Variants in HECTD4 observed in about 807,000 individuals in gnomAD.
The protein encoded by HECTD4 is probable E3 ubiquitin-protein ligase HECTD4.
In HECTD4, 114 loss-of-function variants were observed where a neutral mutation model predicts 471.5. That is an observed-to-expected ratio of 0.24 (90% CI 0.21 to 0.28). The LOEUF is 0.28. HECTD4 is among the 10% of genes least tolerant of loss of function. The pLI is 1.00. For synonymous variants in HECTD4, 2,012 were observed against 2,256.0 expected (o/e 0.89, Z 3.07); for missense variants, 3,866 against 5,651.5 (o/e 0.68, Z 10.13).
intron 43 of HECTD4, 73 bp from the exon 44 acceptor site, chr12:112,226,831 C>T: frequency 1.8e-6 from 2 of 1,111,980 alleles, no homozygotes; most frequent in Non-Finnish European, 2.6e-6. Context: ...CTGTGAAAAA[C>T]ATTTCAATCA....
chr12:112,333,978 G>A (rs1249569963), intron 1 of HECTD4, among the ~76,000 whole-genome samples: 2 of 152,108 alleles, frequency 1.3e-5, no homozygotes, highest in Admixed American at 1.3e-4. Flanking sequence ...GGACCCCAAG[G>A]TGGGTGGATC....
In HECTD4 at chr12:112,219,430, A is replaced by G. The variant is rs770724642; in HGVS notation, c.7030T>C (p.Cys2344Arg). 2.5e-6 allele frequency: 4 copies of G among 1,613,836 alleles called. No homozygotes were observed. The highest frequency in any genetic ancestry group is 1.1e-5 in the South Asian group (1 of 91,008). ...CERLRMLYRD[C>R]ARPPPPPLQA... ...AAAGGAGGTGGTGGGGGCCGAGCACAGTCCCGGTAGAGCATCCTCAGCCGT... is the reference window on the plus strand; with the variant it reads ...AAAGGAGGTGGTGGGGGCCGAGCACGGTCCCGGTAGAGCATCCTCAGCCGT... Residue 2344 changes from cysteine (C) to arginine (R), a missense_variant, in exon 45 of 76, where the codon TGT becomes CGT. Cys to Arg is a radical substitution (Grantham distance 180). Coordinates refer to ENST00000682272, the MANE Select transcript of HECTD4 (RefSeq NM_001388303.1).
At chr12:112,282,256 G>A (rs1448221788) in intron 8 of HECTD4, among the ~76,000 whole-genome samples, 3 of 152,072 alleles carry the variant, frequency 2.0e-5, no homozygotes, top group African/African-American at 7.2e-5. Context: ...GGTAGCGGGC[G>A]CCTGTAGTCC....
Position 112,183,179 on chromosome 12 carries a change from C to T in HECTD4, c.10867G>A (p.Asp3623Asn), listed in dbSNP as rs958590083. The change falls in exon 62 of 76, where the codon GAT becomes AAT. Residue 3623 changes from aspartate (D) to asparagine (N), a missense_variant. Physicochemically the swap from Asp to Asn is conservative, Grantham distance 23. Transcript: ENST00000682272. ...TCTGTTGACATTTCCATCAATTCAT[C>T]TTCACCATCCAAACTTGACAAACCA... is the stretch of plus-strand genomic sequence containing the variant. ...LIGLSSLDGE[D>N]ELMEMSTEEI... The T allele has an allele frequency of 2.0e-5, 33 of 1,613,848 alleles. No individual in the cohort carries two copies. Among genetic ancestry groups the T allele is most frequent in the Non-Finnish European group, 2.8e-5 (33 of 1,179,744 alleles).
chr12:112,187,397 G>A (rs893417225), intron 60 of HECTD4, among the ~76,000 whole-genome samples: 1 of 152,004 alleles, frequency 6.6e-6, no homozygotes, highest in African/African-American at 2.4e-5. Flanking sequence ...ATGAATGGAT[G>A]GATAGATGGA....
chr12:112,192,468 T>C (rs916162830), intron 59 of HECTD4, 92 bp downstream of exon 59: 9 of 983,892 alleles, frequency 9.1e-6, no homozygotes, highest in Non-Finnish European at 1.0e-5. Context: ...AACTGGAACA[T>C]GCAAGGTACA....
At position 112,170,583 on chromosome 12, in the gene HECTD4, CTG is replaced by C. The variant is rs1396078789; in HGVS notation, c.11933-133_11933-132del. Reference sequence around the variant, plus strand: ...TGGTGGCAGTAGAGCCGGGCCCTGACTGTGGAGGGTGGTGTGTCAGCATCCGC... The same window carrying C: ...TGGTGGCAGTAGAGCCGGGCCCTGACTGGAGGGTGGTGTGTCAGCATCCGC... On this transcript the variant is annotated intron_variant, in intron 68 of 75. Transcript: ENST00000682272. The C allele has an allele frequency of 3.9e-5, 46 of 1,190,742 alleles. No individual in the cohort carries two copies. The South Asian group carries it at 6.1e-4, about 16-fold the overall frequency. 73.8% of individuals were successfully genotyped at this position (1,190,742 alleles called of 1,614,324 possible).
In HECTD4 at chr12:112,251,201, C is replaced by A. The variant is rs1355123755; in HGVS notation, c.3553-67G>T. The A allele has an allele frequency of 2.7e-6, 4 of 1,486,700 alleles. No individual in the cohort carries two copies. The African/African-American group carries it at 5.6e-5, about 21-fold the overall frequency. 92.1% of individuals were successfully genotyped at this position (1,486,700 alleles called of 1,614,324 possible). On this transcript the variant is annotated intron_variant, in intron 23 of 75. Transcript: ENST00000682272. ...CTGGCAGAGGCTGCTACCTGTGCTG[C>A]CCCACACTGCACTGTCCCCAACCAC...
In HECTD4 at chr12:112,248,383, A is replaced by G. The variant is rs758964663; in HGVS notation, c.4080T>C (p.Asp1360=). The change falls in exon 26 of 76, where the codon GAT becomes GAC. Residue 1360 remains aspartate, a synonymous_variant. Transcript: ENST00000682272. The part of the protein sequence containing the change: ...QYQEEHAEEY[D]LLCKIMGETF... Reference sequence around the variant, plus strand: ...TCTCTCCCATAATTTTACATAATAAATCATATTCTTCAGCATGTTCTTCTT... The same window carrying G: ...TCTCTCCCATAATTTTACATAATAAGTCATATTCTTCAGCATGTTCTTCTT... 6.2e-7 allele frequency: 1 copy of G among 1,611,488 alleles called. No homozygotes were observed. Among genetic ancestry groups the G allele is most frequent in the Non-Finnish European group, 8.5e-7 (1 of 1,178,362 alleles).
At chr12:112,216,456 GA>G (rs1180363435) in intron 47 of HECTD4, 85 bp from the exon 48 acceptor site, 1 of 910,096 alleles carries the variant, frequency 1.1e-6, no homozygotes, top group Non-Finnish European at 1.8e-6. Context: ...TGGTGAAGTG[GA>G]GGGGGGGTGG....
At position 112,239,200 on chromosome 12, in the gene HECTD4, C is replaced by T. The variant is rs1159400100; in HGVS notation, c.5142G>A (p.Val1714=). 1.2e-6 allele frequency: 2 copies of T among 1,613,486 alleles called. No homozygotes were observed. Among genetic ancestry groups the T allele is most frequent in the Non-Finnish European group, 1.7e-6 (2 of 1,179,656 alleles). Residue 1714 remains valine (V), a synonymous_variant, in exon 34 of 76, where the codon GTG becomes GTA. Transcript: ENST00000682272. This position sits in a 1 kb window ranked among gnomAD's most constrained non-coding sequence, Gnocchi z 4.9. ...AGCTACACAGTCGATCCATGAGCTG[C>T]ACAAGGCCACTGCGTACCAGGCACT... ...EEKCLVRSGL[V]QLMDRLCSLS...
At chr12:112,345,819 C>T (rs958614805) in intron 1 of HECTD4, among the ~76,000 whole-genome samples, 1 of 152,182 alleles carries the variant, frequency 6.6e-6, no homozygotes, top group African/African-American at 2.4e-5. Context: ...GGCGTGAACC[C>T]GGGAGGCAGA....
chr12:112,257,675 T>G (rs894782844), intron 20 of HECTD4, among the ~76,000 whole-genome samples: 1 of 152,216 alleles, frequency 6.6e-6, no homozygotes, highest in South Asian at 2.1e-4. Flanking sequence ...AGTTCATTCC[T>G]TTTTATTGCT....
At chr12:112,271,272 T>C (rs541700023) in intron 11 of HECTD4, among the ~76,000 whole-genome samples, 1 of 152,304 alleles carries the variant, frequency 6.6e-6, no homozygotes, top group South Asian at 2.1e-4. Context: ...TTTGGTCCTC[T>C]GAAGGACCAA....
chr12:112,235,627 C>T lies in HECTD4; in HGVS notation c.5602G>A (p.Val1868Met), dbSNP rs1462456626. 3.1e-6 allele frequency: 5 copies of T among 1,613,918 alleles called. No individual in the cohort carries two copies. Among genetic ancestry groups the T allele is most frequent in the Non-Finnish European group, 3.4e-6 (4 of 1,179,892 alleles). The change falls in exon 36 of 76, where the codon GTG becomes ATG. Residue 1868 changes from valine to methionine, a missense_variant. This residue lies in a region of HECTD4 where 617 missense variants were observed against 915.1 expected (regional missense o/e 0.67). Transcript: ENST00000682272. This position sits in a 1 kb window ranked among gnomAD's most constrained non-coding sequence, Gnocchi z 5.0. ...PLMSVEDCGN[V>M]ELPPWSYSVP... ...GAGTAGCTCCAGGGTGGGAGCTCCA[C>T]GTTTCCACAGTCTTCTACGCTCATC... is the stretch of plus-strand genomic sequence containing the variant.
intron 1 of HECTD4, among the ~76,000 whole-genome samples, chr12:112,370,448 T>G (rs1416596708): frequency 6.6e-6 from 1 of 152,234 alleles, no homozygotes; most frequent in Non-Finnish European, 1.5e-5. Flanking sequence ...CTGTGGCATT[T>G]CTAGAGTCTT....
intron 28 of HECTD4, 57 bp from the exon 29 acceptor site, chr12:112,247,133 T>A: frequency 1.5e-6 from 2 of 1,345,014 alleles, no homozygotes; most frequent in Admixed American, 2.5e-5. Flanking sequence ...AAAACAACTA[T>A]TAAAAAAAAA....
At chr12:112,345,389 A>G (rs1193578207) in intron 1 of HECTD4, among the ~76,000 whole-genome samples, 1 of 152,214 alleles carries the variant, frequency 6.6e-6, no homozygotes, top group African/African-American at 2.4e-5. Context: ...AAAAACAAAC[A>G]AAACCAACCA....
intron 64 of HECTD4, among the ~76,000 whole-genome samples, chr12:112,178,280 G>A (rs1467202563): frequency 6.6e-6 from 1 of 152,164 alleles, no homozygotes; most frequent in African/African-American, 2.4e-5. Flanking sequence ...GTTTTGCCAT[G>A]TTGCCCAGGC....
Sources: allele counts gnomAD v4.1 joint callset (sites outside exome capture counted in the v4.1 genomes callset), GRCh38; gene constraint gnomAD v4.1.1; regional missense constraint gnomAD v4.1.1; non-coding constraint Gnocchi (gnomAD v3.1); transcripts MANE v1.5; gene names NCBI Gene and HGNC (gene_info 2026-07-23, HGNC 2026-07-21).